KCNIP4: variants seen among roughly 807,000 people sequenced by gnomAD.
KCNIP4 encodes the protein Kv channel-interacting protein 4.
In KCNIP4, 12 loss-of-function variants were observed where a neutral mutation model predicts 34.0. The observed-to-expected ratio is 0.35, with a 90% CI of 0.23 to 0.57. The LOEUF is 0.57. KCNIP4 is among the 20% of genes least tolerant of loss of function. KCNIP4 has a pLI of 0.83. For missense variants in KCNIP4, 238 were observed against 311.7 expected (o/e 0.76, Z 1.78); for synonymous variants, 124 against 102.2 (o/e 1.21, Z -1.29).
At chr4:21,648,313 T>C (rs1488543174) in intron 1 of KCNIP4, among the ~76,000 whole-genome samples, 2 of 152,180 alleles carry the variant, frequency 1.3e-5, no homozygotes, top group Non-Finnish European at 2.9e-5. Flanking sequence ...TAATGTCACA[T>C]GTTTTGTATG....
intron 2 of KCNIP4, among the ~76,000 whole-genome samples, chr4:20,866,129 A>G (rs1050021833): frequency 2.0e-5 from 3 of 152,058 alleles, no homozygotes; most frequent in African/African-American, 7.2e-5. Context: ...AATATCAAGG[A>G]GGAGGAGCCC....
At chr4:21,885,079 T>C (rs898383888) in intron 1 of KCNIP4, among the ~76,000 whole-genome samples, 3 of 152,148 alleles carry the variant, frequency 2.0e-5, no homozygotes, top group East Asian at 1.9e-4. Flanking sequence ...ATAAGCTCCA[T>C]GAGGGCAAGC....
chr4:21,400,581 T>C (rs28599898), intron 1 of KCNIP4, among the ~76,000 whole-genome samples: 22,330 of 142,904 alleles, frequency 0.16, 3,846 homozygotes, highest in African/African-American at 0.41. Flanking sequence ...TTCTCTTCGT[T>C]CTTTCTTTCT....
intron 1 of KCNIP4, among the ~76,000 whole-genome samples, chr4:21,928,747 T>G (rs1307479824): frequency 1.3e-5 from 2 of 152,036 alleles, no homozygotes; most frequent in Non-Finnish European, 2.9e-5. Flanking sequence ...ATCCCCCTTC[T>G]CTGAAAATGA....
chr4:21,115,557 T>A (rs1301719629), intron 1 of KCNIP4, among the ~76,000 whole-genome samples: 2 of 152,198 alleles, frequency 1.3e-5, no homozygotes, highest in African/African-American at 2.4e-5. Flanking sequence ...ATCTTTTTAA[T>A]ACTTATTAAA....
intron 1 of KCNIP4, among the ~76,000 whole-genome samples, chr4:20,955,876 T>G (rs948693934): frequency 1.3e-5 from 2 of 152,230 alleles, no homozygotes; most frequent in African/African-American, 4.8e-5. Flanking sequence ...TATTTTAATT[T>G]TACTTCAGAG....
intron 1 of KCNIP4, among the ~76,000 whole-genome samples, chr4:21,214,767 G>C (rs1049502309): frequency 6.6e-6 from 1 of 152,062 alleles, no homozygotes; most frequent in African/African-American, 2.4e-5. Flanking sequence ...TCTTATTTCA[G>C]GATGTTTTCT....
intron 1 of KCNIP4, among the ~76,000 whole-genome samples, chr4:21,826,816 T>A (rs1479857363): frequency 2.0e-5 from 3 of 151,994 alleles, no homozygotes; most frequent in Non-Finnish European, 4.4e-5. Context: ...GCAAACTGAA[T>A]GAAAAAGTAG....
chr4:21,788,943 C>T (rs904735900), intron 1 of KCNIP4, among the ~76,000 whole-genome samples: 7 of 151,880 alleles, frequency 4.6e-5, no homozygotes, highest in African/African-American at 1.2e-4. Context: ...CGTGGCGGCG[C>T]GCGTCTGTAG....
At chr4:20,755,583 A>T (rs1032029305) in intron 4 of KCNIP4, among the ~76,000 whole-genome samples, 2 of 152,184 alleles carry the variant, frequency 1.3e-5, no homozygotes, top group Non-Finnish European at 2.9e-5. Context: ...TCTAGTGGAG[A>T]GAAAGAAACA....
intron 1 of KCNIP4, among the ~76,000 whole-genome samples, chr4:21,219,840 T>A (rs1757860046): frequency 1.3e-5 from 2 of 151,526 alleles, no homozygotes; most frequent in African/African-American, 4.8e-5. Context: ...GAAAAAAAAA[T>A]CAATAGAATG....
chr4:21,200,042 G>T (rs929922836), intron 1 of KCNIP4, among the ~76,000 whole-genome samples: 1 of 152,004 alleles, frequency 6.6e-6, no homozygotes, highest in Non-Finnish European at 1.5e-5. Context: ...GGCCTGTTGT[G>T]GGGTGGGGGA....
intron 1 of KCNIP4, among the ~76,000 whole-genome samples, chr4:21,612,885 A>G (rs1206856663): frequency 6.6e-6 from 1 of 152,214 alleles, no homozygotes; most frequent in Non-Finnish European, 1.5e-5. Context: ...GAGGAGTTGC[A>G]CCCTGACTTG....
At chr4:21,246,015 C>T (rs1010397737) in intron 1 of KCNIP4, among the ~76,000 whole-genome samples, 1 of 152,026 alleles carries the variant, frequency 6.6e-6, no homozygotes, top group African/African-American at 2.4e-5. Flanking sequence ...GTATAAGCAT[C>T]CTATAAAAAA....
At chr4:21,136,390 T>G (rs2109191767) in intron 1 of KCNIP4, among the ~76,000 whole-genome samples, 1 of 152,320 alleles carries the variant, frequency 6.6e-6, no homozygotes, top group East Asian at 1.9e-4. Context: ...ACGCACAATC[T>G]TGCCTTTCTC....
chr4:20,860,170 G>A (rs1181274827), intron 2 of KCNIP4, among the ~76,000 whole-genome samples: 3 of 150,252 alleles, frequency 2.0e-5, no homozygotes, highest in Non-Finnish European at 3.0e-5. Flanking sequence ...ATGGAGTCTC[G>A]CTCTTGTTGC....
At chr4:21,215,066 T>G (rs932504867) in intron 1 of KCNIP4, among the ~76,000 whole-genome samples, 1 of 152,314 alleles carries the variant, frequency 6.6e-6, no homozygotes, top group African/African-American at 2.4e-5. Flanking sequence ...TAGGTACATA[T>G]TGACAGCCAA....
intron 1 of KCNIP4, among the ~76,000 whole-genome samples, chr4:21,785,591 C>CAATAAATAAATA (rs60265932): frequency 1.8e-4 from 26 of 146,164 alleles, no homozygotes; most frequent in East Asian, 1.0e-3. Context: ...GATTCCATCT[C>CAATAAATAAATA]AATAAATAAA....
chr4:20,761,310 C>T (rs1754937512), intron 3 of KCNIP4, among the ~76,000 whole-genome samples: 2 of 152,292 alleles, frequency 1.3e-5, no homozygotes, highest in Non-Finnish European at 2.9e-5. Flanking sequence ...CTCACACATC[C>T]TATTAGTTCC....
Sources: gnomAD v4.1 joint callset for allele counts (sites outside exome capture counted in the v4.1 genomes callset) on GRCh38, gnomAD v4.1.1 for gene constraint, MANE v1.5 for transcripts, NCBI Gene and HGNC (gene_info 2026-07-23, HGNC 2026-07-21) for gene names.